BNC2: variants seen among roughly 807,000 people sequenced by gnomAD.
The protein encoded by BNC2 is basonuclin zinc finger protein 2, also known as zinc finger protein basonuclin-2.
Under a neutral mutation model 76.3 loss-of-function variants are expected in BNC2, and 20 were observed. The observed-to-expected ratio is 0.26, with a 90% confidence interval of 0.18 to 0.38. The LOEUF (loss-of-function observed/expected upper bound fraction) is 0.38. Ranked by LOEUF, BNC2 falls within the 10% of genes least tolerant of loss-of-function variation. BNC2 has a pLI of 1.00. For missense variants in BNC2, 1,382 were observed against 1,399.8 expected, an observed-to-expected ratio of 0.99 and a Z score of 0.20; for synonymous variants, 582 against 514.8, an observed-to-expected ratio of 1.13 and a Z score of -1.77.
intron 3 of BNC2, among the ~76,000 whole-genome samples, chr9:16,617,306 C>T (rs566947105): frequency 6.6e-6 from 1 of 152,238 alleles, no homozygotes; most frequent in South Asian, 2.1e-4. Flanking sequence ...AAATTAATCA[C>T]TTTGGTTACG....
rs1820454960 is a variant in BNC2, at chr9:16,411,266, T to C, written c.*7723A>G. On this transcript the variant is annotated 3_prime_UTR_variant, in exon 7 of 7. Coordinates refer to ENST00000380672, the MANE Select transcript of BNC2 (RefSeq NM_017637.6). ...CTGTGCATTATCTCAACATCACATT[T>C]GGCAACAGGAAGCCCTATAAAATCT... 6.6e-6 allele frequency: 1 copy of C among 152,630 alleles called. No homozygotes were observed. The highest frequency in any genetic ancestry group is 1.5e-5 in the Non-Finnish European group (1 of 68,032). The allele number at this position is 152,630 out of a possible 1,614,324, so 9.5% of individuals were successfully genotyped here. A position where few individuals can be genotyped will look rare whatever the true frequency, so the allele number is the denominator to read the frequency against.
At chr9:16,480,650 G>T (rs981074830) in intron 5 of BNC2, among the ~76,000 whole-genome samples, 8 of 152,238 alleles carry the variant, frequency 5.3e-5, no homozygotes, top group Non-Finnish European at 8.8e-5. Flanking sequence ...TTTAGCACCC[G>T]GGCCAGCGGC....
intron 5 of BNC2, among the ~76,000 whole-genome samples, chr9:16,512,190 C>A (rs758968493): frequency 9.9e-5 from 15 of 152,062 alleles, no homozygotes; most frequent in Non-Finnish European, 2.1e-4. Context: ...AAATGAAATC[C>A]TTAAAAGGGT....
intron 1 of BNC2, among the ~76,000 whole-genome samples, chr9:16,759,816 C>A (rs989768813): frequency 2.0e-5 from 3 of 151,914 alleles, no homozygotes; most frequent in African/African-American, 7.3e-5. Flanking sequence ...CTCCGCCTCC[C>A]GGGTTCACAC....
At chr9:16,555,566 C>T (rs369914819) in intron 4 of BNC2, among the ~76,000 whole-genome samples, 49 of 151,444 alleles carry the variant, frequency 3.2e-4, no homozygotes, top group Non-Finnish European at 1.9e-4. Context: ...GGAGGCGAGA[C>T]GGCAGATTGC....
At chr9:16,721,314 T>C (rs561948113) in intron 3 of BNC2, among the ~76,000 whole-genome samples, 223 of 152,330 alleles carry the variant, frequency 1.5e-3, no homozygotes, top group African/African-American at 5.2e-3. Context: ...GAATTATGTC[T>C]CTTTTCCTTT....
chr9:16,523,493 C>CAAA (rs753945820), intron 5 of BNC2, among the ~76,000 whole-genome samples: 2 of 120,168 alleles, frequency 1.7e-5, no homozygotes, highest in Admixed American at 7.4e-5. Context: ...AAAAACAAAA[C>CAAA]AAAAAAAAAC....
intron 5 of BNC2, among the ~76,000 whole-genome samples, chr9:16,483,588 GAAAATATTA>G (rs1364174227): frequency 1.3e-5 from 2 of 152,184 alleles, no homozygotes; most frequent in Admixed American, 6.5e-5. Context: ...CTCCAGAGAT[GAAAATATTA>G]ATTTCATACC....
rs1274875782 is a variant in BNC2, at chr9:16,583,025, G to A, written c.391C>T (p.Leu131=). 1 of 1,613,836 alleles carries A rather than the reference G, an allele frequency of 6.2e-7. No homozygotes were observed. Among genetic ancestry groups the A allele is most frequent in the Non-Finnish European group, 8.5e-7 (1 of 1,179,958 alleles). ...CECFQPGKIN[L]RTCDQCKHGW... Reference sequence around the variant, plus strand: ...TGTTTACACTGATCACAAGTCCTCAGGTTAATCTTCCCTGGCTGAAAACAT... The same window carrying A: ...TGTTTACACTGATCACAAGTCCTCAAGTTAATCTTCCCTGGCTGAAAACAT... The change falls in exon 4 of 7, where the codon CTG becomes TTG. Residue 131 remains leucine, a synonymous_variant. Transcript: ENST00000380672.
At chr9:16,491,424 A>T (rs900093612) in intron 5 of BNC2, among the ~76,000 whole-genome samples, 1 of 152,186 alleles carries the variant, frequency 6.6e-6, no homozygotes, top group Non-Finnish European at 1.5e-5. Flanking sequence ...TAATGACAAA[A>T]CTTAAGAGGA....
chr9:16,472,117 C>T (rs112170478), intron 5 of BNC2, among the ~76,000 whole-genome samples: 3 of 152,226 alleles, frequency 2.0e-5, no homozygotes, highest in African/African-American at 7.2e-5. Context: ...AGCATGAAAA[C>T]GAACTAATAC....
At chr9:16,511,957 CATT>C (rs978117013) in intron 5 of BNC2, among the ~76,000 whole-genome samples, 9 of 152,124 alleles carry the variant, frequency 5.9e-5, no homozygotes, top group African/African-American at 2.2e-4. Context: ...GTAAAAATCT[CATT>C]ATGATACTTA....
At position 16,484,874 on chromosome 9, in the gene BNC2, A is replaced by AG. The variant is rs1822128682; in HGVS notation, c.670-47351_670-47350insC. Reference sequence around the variant, plus strand: ...CAGAGGGGAAGACCAATGACAAGTGATGGGGGAGATTACTAATAGGCATTG... The same window carrying AG: ...CAGAGGGGAAGACCAATGACAAGTGAGTGGGGGAGATTACTAATAGGCATTG... On this transcript the variant is annotated intron_variant, in intron 5 of 6. Coordinates refer to ENST00000380672, the MANE Select transcript of BNC2 (RefSeq NM_017637.6). Among the ~76,000 whole-genome samples the AG allele has an allele frequency of 2.6e-5, 4 of 152,330 alleles. 1 individual carries two copies. In the South Asian group the frequency reaches 8.3e-4, roughly 32 times the overall value.
intron 5 of BNC2, among the ~76,000 whole-genome samples, chr9:16,481,299 G>A (rs1053174854): frequency 2.0e-5 from 3 of 152,092 alleles, no homozygotes; most frequent in African/African-American, 7.2e-5. Context: ...GGCTGCCCGA[G>A]CCAGCAGTGG....
chr9:16,741,311 G>A (rs1471351298), intron 1 of BNC2, among the ~76,000 whole-genome samples: 1 of 152,028 alleles, frequency 6.6e-6, no homozygotes, highest in Non-Finnish European at 1.5e-5. Context: ...AAATTAGCCA[G>A]GTATGGTGGT....
intron 5 of BNC2, among the ~76,000 whole-genome samples, chr9:16,443,064 C>CAAAAA (rs908689709): frequency 4.7e-5 from 3 of 63,666 alleles, no homozygotes; most frequent in African/African-American, 1.6e-4. Flanking sequence ...GAGACTCTGT[C>CAAAAA]AAAAAAAAAA....
intron 1 of BNC2, among the ~76,000 whole-genome samples, chr9:16,748,147 G>GA (rs1825064785): frequency 6.6e-6 from 1 of 152,130 alleles, no homozygotes; most frequent in African/African-American, 2.4e-5. Context: ...AGAGAGAGTA[G>GA]AAAAGAAAAA....
At position 16,415,322 on chromosome 9, in the gene BNC2, A is replaced by G. The variant is rs993690196; in HGVS notation, c.*3667T>C. 3 of 152,388 alleles carry G rather than the reference A, an allele frequency of 2.0e-5. No homozygotes were observed. Among genetic ancestry groups the G allele is most frequent in the African/African-American group, 4.8e-5 (2 of 41,240 alleles). 9.4% of individuals were successfully genotyped at this position (152,388 alleles called of 1,614,324 possible). ...TATTCCCGAAAGCGGACTAAACCTG[A>G]TATTTACAAAAACATAGTTTTAAAT... On this transcript the variant is annotated 3_prime_UTR_variant, in exon 7 of 7. Transcript: ENST00000380672.
chr9:16,465,125 A>T (rs762392103), intron 5 of BNC2, among the ~76,000 whole-genome samples: 3 of 152,214 alleles, frequency 2.0e-5, no homozygotes, highest in Non-Finnish European at 4.4e-5. Context: ...TGGTATATTT[A>T]CAGGAGTAAG....
Sources: gnomAD v4.1 joint callset for allele counts (sites outside exome capture counted in the v4.1 genomes callset) on GRCh38, gnomAD v4.1.1 for gene constraint, MANE v1.5 for transcripts, NCBI Gene and HGNC (gene_info 2026-07-23, HGNC 2026-07-21) for gene names.